Variants in LRP5 observed in about 807,000 individuals in gnomAD.
The protein encoded by LRP5 is LDL receptor related protein 5.
A neutral mutation model predicts 154.1 loss-of-function variants in LRP5; 62 were observed. That is an observed-to-expected ratio of 0.40 (90% confidence interval 0.33 to 0.50). LRP5 has a LOEUF of 0.50. LRP5 is among the 20% of genes least tolerant of loss of function. The probability of loss-of-function intolerance (pLI) is 0.55; values close to 1 mark genes in which losing one functional copy is unlikely to be tolerated. For synonymous variants in LRP5, 966 were observed against 1,011.5 expected (o/e 0.96, Z 0.85); for missense variants, 1,915 against 2,336.7 (o/e 0.82, Z 3.72).
intron 14 of LRP5, 49 bp from the exon 15 acceptor site, chr11:68,425,053 G>A (rs751884575): frequency 1.5e-5 from 24 of 1,574,830 alleles, no homozygotes; most frequent in African/African-American, 5.4e-5. Flanking sequence ...CGTGCTGTCC[G>A]AGGAGACGCC....
chr11:68,435,377 A>G (rs1267251869), intron 18 of LRP5, among the ~76,000 whole-genome samples: 1 of 152,212 alleles, frequency 6.6e-6, no homozygotes, highest in Admixed American at 6.5e-5. Context: ...CAGCACCAGT[A>G]TGGCACCCGC....
At chr11:68,325,470 G>C (rs1401124391) in intron 1 of LRP5, among the ~76,000 whole-genome samples, 2 of 152,212 alleles carry the variant, frequency 1.3e-5, no homozygotes, top group African/African-American at 2.4e-5. Context: ...GGTCACCAAG[G>C]CATGCTGGAA....
At chr11:68,364,440 T>G (rs1449721395) in intron 4 of LRP5, among the ~76,000 whole-genome samples, 6 of 151,820 alleles carry the variant, frequency 4.0e-5, no homozygotes, top group African/African-American at 1.5e-4. Flanking sequence ...CAGGCTTGTC[T>G]CAAACTCCTG....
the LRP5 span, among the ~76,000 whole-genome samples, chr11:68,305,558 T>A: frequency 6.6e-6 from 1 of 152,186 alleles, no homozygotes; most frequent in Admixed American, 6.5e-5. Context: ...TTCTCCTGCC[T>A]CAGCCTCCTG....
At chr11:68,369,139 A>G (rs1591237841) in intron 5 of LRP5, among the ~76,000 whole-genome samples, 1 of 152,338 alleles carries the variant, frequency 6.6e-6, no homozygotes, top group Middle Eastern at 3.4e-3. Flanking sequence ...TGCCTGGCCT[A>G]TGCCTGAACA....
Position 68,386,771 on chromosome 11 carries a change from G to A in LRP5, c.1412+59G>A. On this transcript the variant is annotated intron_variant, in intron 6 of 22. Transcript: ENST00000294304. This position sits in a 1 kb window ranked among gnomAD's most constrained non-coding sequence, Gnocchi z 7.9. ...GGCCAGGCCAAGCACAGGCGAGAGG[G>A]AGATTGACCTGGACCTGTCATTCTG... 1 of 1,561,516 alleles carries A rather than the reference G, an allele frequency of 6.4e-7. No individual in the cohort carries two copies. The highest frequency in any genetic ancestry group is 8.7e-7 in the Non-Finnish European group (1 of 1,148,642).
Position 68,403,610 on chromosome 11 carries a change from T to G in LRP5, c.1712T>G (p.Val571Gly), listed in dbSNP as rs1273936125. ...TDWQRRSIER[V>G]HKVKASRDVI... ...TGGCAGCGCCGCAGCATCGAGCGGG[T>G]GCACAAGGTCAAGGCCAGCCGGGAC... Residue 571 changes from valine to glycine, a missense_variant, in exon 8 of 23, where the codon GTG (valine) becomes GGG (glycine). Around this residue, in one of 3 missense-constraint regions of LRP5, gnomAD observed 773 missense variants for 1,100.9 expected, o/e 0.70. Transcript: ENST00000294304. 6.2e-7 allele frequency: 1 copy of G among 1,614,130 alleles called. No homozygotes were observed.
chr11:68,338,852 T>C (rs2098607143), intron 1 of LRP5, among the ~76,000 whole-genome samples: 1 of 149,736 alleles, frequency 6.7e-6, no homozygotes, highest in Non-Finnish European at 1.5e-5. Context: ...TCATTGGTTT[T>C]TTTGCTTTTG....
chr11:68,437,098 G>T, intron 19 of LRP5, 99 bp downstream of exon 19: 4 of 1,028,078 alleles, frequency 3.9e-6, no homozygotes, highest in Non-Finnish European at 4.5e-6. Flanking sequence ...CGGGGCTGGG[G>T]GCTGTGTGGG....
intron 9 of LRP5, among the ~76,000 whole-genome samples, chr11:68,408,416 T>C (rs2098656975): frequency 6.6e-6 from 1 of 151,962 alleles, no homozygotes; most frequent in South Asian, 2.1e-4. Context: ...CTTTAAAAGA[T>C]TTTTTATGAC....
At chr11:68,306,864 C>T in the LRP5 span, among the ~76,000 whole-genome samples, 45 of 152,302 alleles carry the variant, frequency 3.0e-4, no homozygotes, top group African/African-American at 4.8e-4. Context: ...AACGGATGGA[C>T]GATGACTGTC....
chr11:68,314,147 C>G (rs1250946306), intron 1 of LRP5, among the ~76,000 whole-genome samples: 1 of 152,118 alleles, frequency 6.6e-6, no homozygotes, highest in East Asian at 1.9e-4. Context: ...TCCGGAAATG[C>G]CTGGGTCAAG....
chr11:68,396,022 C>T lies in LRP5; in HGVS notation c.1584+5970C>T, dbSNP rs532550357. Among the ~76,000 whole-genome samples, 14 of 152,192 alleles carry T rather than the reference C, an allele frequency of 9.2e-5. No homozygotes were observed. In the East Asian group the frequency reaches 1.5e-3, roughly 17 times the overall value. ...CATGAGGGTCTTGGGCCTGCAGGCTCGTTCAGGAAACACCCGCTGAGTACG... is the reference window on the plus strand; with the variant it reads ...CATGAGGGTCTTGGGCCTGCAGGCTTGTTCAGGAAACACCCGCTGAGTACG... On this transcript the variant is annotated intron_variant, in intron 7 of 22. Transcript: ENST00000294304.
At chr11:68,394,164 A>G (rs1250285659) in intron 7 of LRP5, among the ~76,000 whole-genome samples, 1 of 152,004 alleles carries the variant, frequency 6.6e-6, no homozygotes, top group Non-Finnish European at 1.5e-5. Flanking sequence ...TGGATACACG[A>G]TGTCTGTGGT....
intron 16 of LRP5, among the ~76,000 whole-genome samples, chr11:68,427,679 CAAA>C (rs770310013): frequency 1.5e-5 from 2 of 129,370 alleles, no homozygotes; most frequent in African/African-American, 2.8e-5. Context: ...GACTCCGTCT[CAAA>C]AAAAAAAAAG....
At chr11:68,367,201 C>T (rs60240146) in intron 5 of LRP5, among the ~76,000 whole-genome samples, 4,519 of 152,252 alleles carry the variant, frequency 0.03, 179 homozygotes, top group African/African-American at 0.093. Context: ...AGTGACCTGG[C>T]GACACCAGGG....
intron 16 of LRP5, among the ~76,000 whole-genome samples, chr11:68,428,304 A>G (rs1374397378): frequency 1.3e-5 from 2 of 151,978 alleles, no homozygotes; most frequent in African/African-American, 2.4e-5. Context: ...ACCATTTGCT[A>G]TTTTAATTCC....
intron 1 of LRP5, among the ~76,000 whole-genome samples, chr11:68,313,131 C>A (rs1193972465): frequency 2.0e-5 from 3 of 150,028 alleles, no homozygotes; most frequent in Non-Finnish European, 3.0e-5. Context: ...CGCGCTGGGC[C>A]CGTGTGGCCC....
At chr11:68,324,332 A>G (rs1591175373) in intron 1 of LRP5, among the ~76,000 whole-genome samples, 1 of 152,364 alleles carries the variant, frequency 6.6e-6, no homozygotes, top group East Asian at 1.9e-4. Context: ...AGCTGCGTCC[A>G]CAGGGGAGGC....
Sources: allele counts gnomAD v4.1 joint callset (sites outside exome capture counted in the v4.1 genomes callset), GRCh38; gene constraint gnomAD v4.1.1; regional missense constraint gnomAD v4.1.1; non-coding constraint Gnocchi (gnomAD v3.1); transcripts MANE v1.5; gene names NCBI Gene and HGNC (gene_info 2026-07-23, HGNC 2026-07-21).